Variants in ZAN observed in about 807,000 individuals in gnomAD.
ZAN encodes zonadhesin, also known as zonadhesin (gene/pseudogene).
Under a neutral mutation model 286.2 loss-of-function variants are expected in ZAN, and 260 were observed. The observed-to-expected ratio is 0.91, with a 90% CI of 0.82 to 1.01. ZAN has a LOEUF of 1.01. Among genes scored for constraint, ZAN ranks in the 50% least tolerant of loss-of-function variants. ZAN has a pLI of 0.00. For missense variants in ZAN, 3,410 were observed against 3,639.2 expected (o/e 0.94, Z 1.62); for synonymous variants, 1,368 against 1,417.5 (o/e 0.97, Z 0.79).
At chr7:100,760,353 C>T (rs1055656979) in intron 18 of ZAN, 38 bp from the exon 19 acceptor site, 1 of 1,606,514 alleles carries the variant, frequency 6.2e-7, no homozygotes, top group Non-Finnish European at 8.5e-7. Context: ...CCTTGACCCC[C>T]AGCTCTGTCT....
intron 9 of ZAN, 55 bp downstream of exon 9, chr7:100,747,696 A>G: frequency 6.6e-7 from 1 of 1,525,198 alleles, no homozygotes; most frequent in African/African-American, 1.4e-5. Context: ...CCCAATGTTG[A>G]AATAAATTGA....
Position 100,775,680 on chromosome 7 carries a change from A to T in ZAN, c.6039A>T (p.Lys2013Asn), listed in dbSNP as rs779327658. 6.2e-7 allele frequency: 1 copy of T among 1,613,686 alleles called. No homozygotes were observed. Among genetic ancestry groups the T allele is most frequent in the South Asian group, 1.1e-5 (1 of 91,054 alleles). The change falls in exon 33 of 48, where the codon AAA becomes AAT. Residue 2013 changes from lysine to asparagine, a missense_variant. By Grantham distance (94) the Lys-to-Asn change is moderately conservative. Coordinates refer to ENST00000613979, the MANE Select transcript of ZAN (RefSeq NM_003386.3). ...GTCCTCCTGTTTAGATCAACAGCAA[A>T]CAGGTCACCCTCCCCGCCATCTCCC... ...QKGHRVLINS[K>N]QVTLPAISQI...
chr7:100,783,805 C>T (rs562525976), intron 35 of ZAN, among the ~76,000 whole-genome samples: 13,351 of 22,162 alleles, frequency 0.6, 3,306 homozygotes, highest in African/African-American at 0.63. Flanking sequence ...TATATACACA[C>T]ATATATATAT....
chr7:100,775,673 A>G lies in ZAN; in HGVS notation c.6032A>G (p.Asn2011Ser), dbSNP rs780964930. 6.2e-7 allele frequency: 1 copy of G among 1,613,828 alleles called. No individual in the cohort carries two copies. The part of the protein sequence containing the change: ...TLQKGHRVLI[N>S]SKQVTLPAIS... ...CGTCACTGTCCTCCTGTTTAGATCA[A>G]CAGCAAACAGGTCACCCTCCCCGCC... The change falls in exon 33 of 48, where the codon AAC becomes AGC. Residue 2011 changes from asparagine (N) to serine (S), a missense_variant. By Grantham distance (46) the Asn-to-Ser change is conservative. Around this residue, in one of 7 missense-constraint regions of ZAN, gnomAD observed 1,289 missense variants for 1,314.3 expected, o/e 0.98. Transcript: ENST00000613979.
chr7:100,741,549 G>GAT (rs1807766301), intron 7 of ZAN, among the ~76,000 whole-genome samples: 1 of 31,862 alleles, frequency 3.1e-5, no homozygotes, highest in Non-Finnish European at 8.7e-5. Context: ...CGGGGCGGCT[G>GAT]GCCGGGCGGG....
intron 26 of ZAN, among the ~76,000 whole-genome samples, chr7:100,768,230 G>T (rs1002514904): frequency 1.3e-5 from 2 of 152,204 alleles, no homozygotes; most frequent in African/African-American, 4.8e-5. Context: ...GCAACACTTT[G>T]AGAGCCCGAG....
At chr7:100,746,788 A>G in intron 8 of ZAN, 86 bp downstream of exon 8, 2 of 1,468,988 alleles carry the variant, frequency 1.4e-6, no homozygotes, top group Admixed American at 1.8e-5. Flanking sequence ...GGCATCCCTC[A>G]GGGTCTAGGG....
At chr7:100,777,292 G>A (rs1056644394) in intron 34 of ZAN, among the ~76,000 whole-genome samples, 9 of 151,992 alleles carry the variant, frequency 5.9e-5, no homozygotes, top group Non-Finnish European at 1.2e-4. Flanking sequence ...CAATGTGGCC[G>A]CCTTGGCCTC....
chr7:100,779,408 G>A, intron 34 of ZAN, 38 bp from the exon 35 acceptor site: 1 of 1,561,486 alleles, frequency 6.4e-7, no homozygotes, highest in Non-Finnish European at 8.7e-7. Context: ...CATAGTAGGG[G>A]GACGGCTGTC....
At chr7:100,766,426 G>GATCT in intron 23 of ZAN, 99 bp from the exon 24 acceptor site, 1 of 1,408,500 alleles carries the variant, frequency 7.1e-7, no homozygotes, top group Non-Finnish European at 9.4e-7. Flanking sequence ...TTAAGCCAGT[G>GATCT]ATCTGAACAG....
Position 100,779,603 on chromosome 7 carries a change from C to T in ZAN, c.6475C>T (p.Leu2159Phe). Residue 2159 changes from leucine (L) to phenylalanine (F), a missense_variant, in exon 35 of 48, where the codon CTC becomes TTC. Leu to Phe is a conservative substitution (Grantham distance 22). Coordinates refer to ENST00000613979, the MANE Select transcript of ZAN (RefSeq NM_003386.3). ...GGCCCAGTGCGCCTCCCGCATAGAC[C>T]TCACGCCCTTCCTGGTGGACTGTGC... is the stretch of plus-strand genomic sequence containing the variant. ...VWAQCASRID[L>F]TPFLVDCANT... 6.2e-7 allele frequency: 1 copy of T among 1,607,474 alleles called. No individual in the cohort carries two copies. The highest frequency in any genetic ancestry group is 1.1e-5 in the South Asian group (1 of 89,862).
At chr7:100,758,705 C>T in intron 17 of ZAN, 55 bp downstream of exon 17, 1 of 1,537,844 alleles carries the variant, frequency 6.5e-7, no homozygotes, top group Non-Finnish European at 8.8e-7. Flanking sequence ...GGCAGCGCTG[C>T]TAGGCATGGG....
At chr7:100,796,090 ACAAAAAC>A (rs1327630171) in intron 45 of ZAN, among the ~76,000 whole-genome samples, 1 of 151,888 alleles carries the variant, frequency 6.6e-6, no homozygotes, top group Non-Finnish European at 1.5e-5. Flanking sequence ...AAAACAAAAA[ACAAAAAC>A]CAAAAACAAA....
chr7:100,797,254 T>C, intron 45 of ZAN, 112 bp from the exon 46 acceptor site: 1 of 977,970 alleles, frequency 1.0e-6, no homozygotes, highest in South Asian at 1.5e-5. Flanking sequence ...CCTAGAGATT[T>C]AGAGAGATGA....
intron 42 of ZAN, 74 bp downstream of exon 42, chr7:100,792,553 T>C: frequency 6.3e-7 from 1 of 1,599,752 alleles, no homozygotes; most frequent in Non-Finnish European, 8.5e-7. Context: ...CGGTGAGGTG[T>C]TGCCCCTCCC....
At chr7:100,779,222 G>A (rs1444724853) in intron 34 of ZAN, among the ~76,000 whole-genome samples, 1 of 149,762 alleles carries the variant, frequency 6.7e-6, no homozygotes, top group East Asian at 2.0e-4. Flanking sequence ...AAAAAAAATT[G>A]GTCGGGCGTG....
chr7:100,762,434 T>G, intron 20 of ZAN, 76 bp downstream of exon 20: 1 of 1,442,368 alleles, frequency 6.9e-7, no homozygotes, highest in South Asian at 1.5e-5. Flanking sequence ...TTTTTTTTTT[T>G]TTTTTTTTTG....
intron 14 of ZAN, 58 bp from the exon 15 acceptor site, chr7:100,755,168 G>A (rs1182083770): frequency 3.2e-5 from 50 of 1,546,212 alleles, no homozygotes; most frequent in Admixed American, 5.8e-5. Flanking sequence ...GGAGAGACAG[G>A]GAGACTCCCT....
chr7:100,753,299 G>T (rs967932312), intron 14 of ZAN, 70 bp downstream of exon 14: 18 of 1,476,354 alleles, frequency 1.2e-5, no homozygotes, highest in Non-Finnish European at 1.5e-5. Context: ...GTCAGGGAAA[G>T]GGATGCTTCT....
Sources: allele counts gnomAD v4.1 joint callset (sites outside exome capture counted in the v4.1 genomes callset), GRCh38; gene constraint gnomAD v4.1.1; regional missense constraint gnomAD v4.1.1; transcripts MANE v1.5; gene names NCBI Gene and HGNC (gene_info 2026-07-23, HGNC 2026-07-21).